PIK3CB: variants seen among roughly 807,000 people sequenced by gnomAD.
PIK3CB encodes the protein phosphatidylinositol 4,5-bisphosphate 3-kinase catalytic subunit beta isoform.
A neutral mutation model predicts 136.8 loss-of-function variants in PIK3CB; 39 were observed. The observed-to-expected ratio is 0.29, with a 90% confidence interval of 0.22 to 0.37. PIK3CB has a LOEUF of 0.37. Among genes scored for constraint, PIK3CB ranks in the 10% least tolerant of loss-of-function variants. PIK3CB has a pLI of 1.00. For missense variants in PIK3CB, 868 were observed against 1,275.4 expected (o/e 0.68, Z 4.87); for synonymous variants, 428 against 436.6 (o/e 0.98, Z 0.25).
intron 2 of PIK3CB, among the ~76,000 whole-genome samples, chr3:138,768,700 CCCT>C (rs1404639182): frequency 6.6e-6 from 1 of 152,196 alleles, no homozygotes; most frequent in Admixed American, 6.5e-5. Context: ...CCCTCAGCTT[CCCT>C]CCTATGTTCA....
Position 138,748,059 on chromosome 3 carries a change from G to C in PIK3CB, c.398-5278C>G, listed in dbSNP as rs546822825. 4.6e-5 allele frequency among the ~76,000 whole-genome samples: 7 copies of C among 151,824 alleles called. No individual in the cohort carries two copies. The South Asian group carries it at 1.2e-3, about 27-fold the overall frequency. On this transcript the variant is annotated intron_variant, in intron 4 of 23. Coordinates refer to ENST00000674063, the MANE Select transcript of PIK3CB (RefSeq NM_006219.3). ...ATTTGATAATACCCTGTGCTGGAAG[G>C]GGCAGAGAGAAAAAGGCATTCTAGT... is the stretch of plus-strand genomic sequence containing the variant.
chr3:138,773,981 G>C (rs60295689), intron 2 of PIK3CB, among the ~76,000 whole-genome samples: 5,816 of 152,210 alleles, frequency 0.038, 383 homozygotes, highest in African/African-American at 0.13. Flanking sequence ...AAAATTAATA[G>C]GACAAAGACT....
rs2045602370 is a variant in PIK3CB, at chr3:138,757,886, T to C, written c.171+1287A>G. Among the ~76,000 whole-genome samples the C allele has an allele frequency of 4.6e-5, 7 of 152,312 alleles. No homozygotes were observed. The South Asian group carries it at 1.2e-3, about 27-fold the overall frequency. On this transcript the variant is annotated intron_variant, in intron 3 of 23. Coordinates refer to ENST00000674063, the MANE Select transcript of PIK3CB (RefSeq NM_006219.3). ...AAGTTAAAACATGGAATTACCACTGTGAACCAACAATCACACTTCTAGGTA... is the reference window on the plus strand; with the variant it reads ...AAGTTAAAACATGGAATTACCACTGCGAACCAACAATCACACTTCTAGGTA...
chr3:138,656,136 T>G lies in PIK3CB; in HGVS notation c.3075+6A>C. Reference sequence around the variant, plus strand: ...GTCCAAGAGAGAAGGAAAAGTGGTTTTATACCTTAAGATACTGTATATCTT... The same window carrying G: ...GTCCAAGAGAGAAGGAAAAGTGGTTGTATACCTTAAGATACTGTATATCTT... On this transcript the variant is annotated splice_donor_region_variant and intron_variant, in intron 23 of 23. Coordinates refer to ENST00000674063, the MANE Select transcript of PIK3CB (RefSeq NM_006219.3). The G allele has an allele frequency of 6.2e-7, 1 of 1,613,840 alleles. No homozygotes were observed. The highest frequency in any genetic ancestry group is 8.5e-7 in the Non-Finnish European group (1 of 1,179,868).
At chr3:138,745,152 G>A (rs1365632194) in intron 4 of PIK3CB, among the ~76,000 whole-genome samples, 1 of 152,144 alleles carries the variant, frequency 6.6e-6, no homozygotes, top group Non-Finnish European at 1.5e-5. Flanking sequence ...TTCTATCCAG[G>A]TTCTCTTTCA....
At chr3:138,795,488 G>C (rs555001292) in intron 2 of PIK3CB, among the ~76,000 whole-genome samples, 1 of 152,056 alleles carries the variant, frequency 6.6e-6, no homozygotes, top group East Asian at 1.9e-4. Flanking sequence ...AAAATTAGCT[G>C]GGCGAGGTGG....
intron 4 of PIK3CB, among the ~76,000 whole-genome samples, chr3:138,746,442 C>T (rs1005129132): frequency 6.6e-6 from 1 of 152,034 alleles, no homozygotes; most frequent in African/African-American, 2.4e-5. Context: ...GGGCGGATCA[C>T]GAGGTCAGGA....
rs577234157 is a variant in PIK3CB, at chr3:138,686,213, C to T, written c.2137-1410G>A. On this transcript the variant is annotated intron_variant, in intron 16 of 23. Transcript: ENST00000674063. The stretch of plus-strand genomic sequence containing the variant: ...CAGTATTTTGGGAAGCTGAAGTGGG[C>T]GGATCACTTGAGGTCAGGAGTTCAA... Among the ~76,000 whole-genome samples, 16 of 147,894 alleles carry T rather than the reference C, an allele frequency of 1.1e-4. No individual in the cohort carries two copies. In the East Asian group the frequency reaches 3.0e-3, roughly 28 times the overall value.
chr3:138,690,908 A>C, intron 15 of PIK3CB, 92 bp downstream of exon 15: 1 of 1,033,226 alleles, frequency 9.7e-7, no homozygotes, highest in Non-Finnish European at 1.4e-6. Context: ...TCAGAAAAAA[A>C]CTAAAGCAGC....
intron 19 of PIK3CB, among the ~76,000 whole-genome samples, chr3:138,680,406 T>C (rs894779081): frequency 1.3e-5 from 2 of 151,706 alleles, no homozygotes; most frequent in Non-Finnish European, 2.9e-5. Flanking sequence ...ATAGCACAGA[T>C]TTTAAAATTA....
At chr3:138,696,618 T>C (rs1394261412) in intron 13 of PIK3CB, among the ~76,000 whole-genome samples, 2 of 152,120 alleles carry the variant, frequency 1.3e-5, no homozygotes, top group Non-Finnish European at 2.9e-5. Context: ...ATCTACGGAA[T>C]CAAAATCTCA....
At chr3:138,832,744 G>T (rs1934089336) in intron 1 of PIK3CB, among the ~76,000 whole-genome samples, 1 of 149,726 alleles carries the variant, frequency 6.7e-6, no homozygotes, top group African/African-American at 2.5e-5. Flanking sequence ...CAGGAGAATC[G>T]CTTGAACCCG....
At chr3:138,673,728 C>G (rs566014364) in intron 19 of PIK3CB, among the ~76,000 whole-genome samples, 59 of 152,172 alleles carry the variant, frequency 3.9e-4, no homozygotes, top group African/African-American at 1.3e-3. Context: ...CACACCCCAA[C>G]GTGAATCTGT....
chr3:138,788,172 C>G (rs559642018), intron 2 of PIK3CB, among the ~76,000 whole-genome samples: 1 of 151,976 alleles, frequency 6.6e-6, no homozygotes, highest in East Asian at 2.0e-4. Context: ...GTCTGCCCGC[C>G]TTGGCCTCCC....
intron 19 of PIK3CB, among the ~76,000 whole-genome samples, chr3:138,678,036 A>G (rs2043685852): frequency 6.6e-6 from 1 of 152,128 alleles, no homozygotes; most frequent in Non-Finnish European, 1.5e-5. Flanking sequence ...TACTTGTAAG[A>G]CTGAGGTGGG....
chr3:138,709,115 G>A (rs922988629), intron 10 of PIK3CB, among the ~76,000 whole-genome samples: 3 of 151,996 alleles, frequency 2.0e-5, no homozygotes, highest in Non-Finnish European at 4.4e-5. Context: ...ACTACACATG[G>A]AGAGCAAAAA....
intron 9 of PIK3CB, among the ~76,000 whole-genome samples, chr3:138,713,586 G>A (rs911178047): frequency 1.6e-4 from 25 of 151,990 alleles, no homozygotes; most frequent in African/African-American, 5.8e-4. Flanking sequence ...CAGGAGAATC[G>A]CTTGATCCCG....
chr3:138,714,323 C>A, intron 9 of PIK3CB, 145 bp downstream of exon 9: 1 of 544,250 alleles, frequency 1.8e-6, no homozygotes, highest in Non-Finnish European at 3.1e-6. Context: ...AAGATATAAA[C>A]ATGGAAATTT....
chr3:138,776,757 C>T (rs2045863745), intron 2 of PIK3CB, among the ~76,000 whole-genome samples: 1 of 151,004 alleles, frequency 6.6e-6, no homozygotes, highest in East Asian at 1.9e-4. Context: ...ATGGTAAAAC[C>T]CTGTCTTTAC....
Sources: gnomAD v4.1 joint callset for allele counts (sites outside exome capture counted in the v4.1 genomes callset) on GRCh38, gnomAD v4.1.1 for gene constraint, MANE v1.5 for transcripts, NCBI Gene and HGNC (gene_info 2026-07-23, HGNC 2026-07-21) for gene names.